Variants in ZC3H12B observed in about 807,000 individuals in gnomAD.
ZC3H12B encodes the protein probable ribonuclease ZC3H12B.
In ZC3H12B, 7 loss-of-function variants were observed where a neutral mutation model predicts 43.9. The ratio of observed to expected loss-of-function variants is 0.16; its 90% CI spans 0.09 to 0.30. The LOEUF is 0.30. ZC3H12B is among the 10% of genes least tolerant of loss of function. The pLI, the probability that ZC3H12B is intolerant of heterozygous loss-of-function variation, is 1.00. For missense variants in ZC3H12B, 475 were observed against 670.2 expected, an observed-to-expected ratio of 0.71 and a Z score of 3.22; for synonymous variants, 222 against 241.7, an observed-to-expected ratio of 0.92 and a Z score of 0.76.
the ZC3H12B span, among the ~76,000 whole-genome samples, chrX:65,232,908 C>T: frequency 9.0e-6 from 1 of 111,070 alleles, no homozygotes; most frequent in Non-Finnish European, 1.9e-5. Flanking sequence ...AAACATATTC[C>T]CTGCAAATAG....
chrX:65,323,608 G>T, the ZC3H12B span, among the ~76,000 whole-genome samples: 1 of 112,235 alleles, frequency 8.9e-6, no homozygotes, highest in Non-Finnish European at 1.9e-5. Flanking sequence ...GTGCATTTGG[G>T]TTGGTTTCAA....
chrX:65,458,544 G>T lies in ZC3H12B; in HGVS notation n.408-30102G>T, dbSNP rs188446432. ...ACAGTGCAATCAAACTAGAACTCAG[G>T]ATTAAGAAACTCACTCAAAACCGCT... On this transcript the variant is annotated intron_variant and non_coding_transcript_variant, in intron 3 of 5. Coordinates refer to the ZC3H12B transcript ENST00000617377. Among the ~76,000 whole-genome samples the T allele has an allele frequency of 4.4e-3, 489 of 111,959 alleles. 2 individuals carry two copies. The highest frequency in any genetic ancestry group is 7.4e-3 in the Non-Finnish European group (395 of 53,209).
chrX:65,269,406 A>G, the ZC3H12B span, among the ~76,000 whole-genome samples: 1 of 111,291 alleles, frequency 9.0e-6, no homozygotes, highest in East Asian at 2.8e-4. Context: ...TATTATCTCT[A>G]TACACAAATA....
chrX:65,306,595 G>A, the ZC3H12B span, among the ~76,000 whole-genome samples: 15 of 111,071 alleles, frequency 1.4e-4, no homozygotes, highest in Admixed American at 6.7e-4. Context: ...GGCTGCTCTC[G>A]AACTCCTGAG....
At chrX:65,258,810 AT>A in the ZC3H12B span, among the ~76,000 whole-genome samples, 74 of 111,676 alleles carry the variant, frequency 6.6e-4, no homozygotes, top group African/African-American at 2.3e-3. Context: ...ACACAATTCC[AT>A]TCGCAATAGC....
At chrX:65,255,752 A>T in the ZC3H12B span, among the ~76,000 whole-genome samples, 1 of 112,489 alleles carries the variant, frequency 8.9e-6, no homozygotes, top group Non-Finnish European at 1.9e-5. Flanking sequence ...AAAGTTGGAT[A>T]AAGAAGCAAG....
the ZC3H12B span, among the ~76,000 whole-genome samples, chrX:65,151,366 A>G: frequency 8.9e-6 from 1 of 112,250 alleles, no homozygotes; most frequent in Non-Finnish European, 1.9e-5. Flanking sequence ...CCTTGTTAAT[A>G]AGGTATTTGG....
the ZC3H12B span, among the ~76,000 whole-genome samples, chrX:65,162,162 G>A: frequency 5.4e-5 from 6 of 111,103 alleles, no homozygotes; most frequent in Non-Finnish European, 1.1e-4. Flanking sequence ...GCTTCCCTTT[G>A]TGGGTAACCT....
At chrX:65,386,311 C>T (rs2066524810) in intron 2 of ZC3H12B, among the ~76,000 whole-genome samples, 1 of 111,340 alleles carries the variant, frequency 9.0e-6, no homozygotes, top group African/African-American at 3.3e-5. Context: ...TTAATTATTG[C>T]CTCATTTTCA....
chrX:65,119,095 T>C, the ZC3H12B span, among the ~76,000 whole-genome samples: 1 of 111,384 alleles, frequency 9.0e-6, no homozygotes, highest in African/African-American at 3.3e-5. Context: ...TTGTGAATAG[T>C]GCTGCAGTAA....
At chrX:65,456,039 A>T (rs2067604031) in intron 3 of ZC3H12B, among the ~76,000 whole-genome samples, 1 of 111,904 alleles carries the variant, frequency 8.9e-6, no homozygotes, top group African/African-American at 3.3e-5. Context: ...AATTGTAAAG[A>T]CCATCGAGGC....
intron 3 of ZC3H12B, among the ~76,000 whole-genome samples, chrX:65,447,643 TAAAC>T (rs1202735372): frequency 9.0e-5 from 10 of 111,155 alleles, no homozygotes; most frequent in African/African-American, 2.9e-4. Context: ...ATCATCAGAG[TAAAC>T]AAACAACTCA....
At chrX:65,402,862 A>G (rs909322877) in intron 3 of ZC3H12B, among the ~76,000 whole-genome samples, 1 of 112,306 alleles carries the variant, frequency 8.9e-6, no homozygotes, top group East Asian at 2.8e-4. Flanking sequence ...ACGGGTATAA[A>G]CAAATCCAGA....
intron 3 of ZC3H12B, among the ~76,000 whole-genome samples, chrX:65,499,623 G>A (rs963750101): frequency 9.0e-6 from 1 of 111,454 alleles, no homozygotes; most frequent in Non-Finnish European, 1.9e-5. Context: ...GTAGCATGTT[G>A]GGGGAACCAG....
At chrX:65,503,525 C>G in exon 5 of ZC3H12B, 2 of 172,644 alleles carry the variant, frequency 1.2e-5, no homozygotes, top group Middle Eastern at 4.1e-3. Context: ...TAATGGAGGA[C>G]AAAACCCAGG....
the ZC3H12B span, among the ~76,000 whole-genome samples, chrX:65,230,856 T>A: frequency 8.9e-6 from 1 of 111,889 alleles, no homozygotes; most frequent in Non-Finnish European, 1.9e-5. Context: ...AAACTCATTA[T>A]CAAAAGTAAC....
At chrX:65,150,140 CTTCCT>C in the ZC3H12B span, among the ~76,000 whole-genome samples, 1 of 110,917 alleles carries the variant, frequency 9.0e-6, no homozygotes, top group Non-Finnish European at 1.9e-5. Context: ...CTCTTTTCCC[CTTCCT>C]TTCCTATTGC....
chrX:65,114,115 G>A, the ZC3H12B span, among the ~76,000 whole-genome samples: 62 of 101,442 alleles, frequency 6.1e-4, no homozygotes, highest in East Asian at 0.012. Flanking sequence ...ATGAAGCCCA[G>A]TAGGTCATGA....
the ZC3H12B span, among the ~76,000 whole-genome samples, chrX:65,042,117 C>T: frequency 4.4e-5 from 5 of 112,528 alleles, no homozygotes; most frequent in African/African-American, 1.6e-4. Flanking sequence ...TATTGTGTAA[C>T]TCATTGCTCT....
Sources: allele counts gnomAD v4.1 joint callset (sites outside exome capture counted in the v4.1 genomes callset), GRCh38; gene constraint gnomAD v4.1.1; transcripts MANE v1.5; gene names NCBI Gene and HGNC (gene_info 2026-07-23, HGNC 2026-07-21).